OSBP2: variants seen among roughly 807,000 people sequenced by gnomAD.
OSBP2 encodes the protein oxysterol binding protein 2.
In OSBP2, 66 loss-of-function variants were observed where a neutral mutation model predicts 96.0. That is an observed-to-expected ratio of 0.69 (90% CI 0.56 to 0.84). The LOEUF is 0.84. Ranked by LOEUF, OSBP2 falls within the 40% of genes least tolerant of loss-of-function variation. The pLI is 0.00. For synonymous variants in OSBP2, 525 were observed against 520.9 expected (o/e 1.01, Z -0.11); for missense variants, 1,038 against 1,222.7 (o/e 0.85, Z 2.25).
chr22:30,893,638 T>G lies in OSBP2; in HGVS notation c.2095T>G (p.Ser699Ala). ...IIVGKLWIDQ[S>A]GDIEIVNHKT... The stretch of plus-strand genomic sequence containing the variant: ...GCTGACCACTGCCCTCCTTCGCCAG[T>G]CAGGGGACATCGAGATTGTGAACCA... The change falls in exon 11 of 14, where the codon TCA (serine) becomes GCA (alanine). Residue 699 changes from serine to alanine, a missense_variant and splice_region_variant. Around this residue, in one of 3 missense-constraint regions of OSBP2, gnomAD observed 737 missense variants for 913.3 expected, o/e 0.81. Coordinates refer to ENST00000332585, the MANE Select transcript of OSBP2 (RefSeq NM_030758.4). 2.5e-6 allele frequency: 4 copies of G among 1,614,036 alleles called. No homozygotes were observed. Among genetic ancestry groups the G allele is most frequent in the Non-Finnish European group, 3.4e-6 (4 of 1,179,888 alleles).
At chr22:30,812,172 A>AT (rs1602299945) in intron 2 of OSBP2, among the ~76,000 whole-genome samples, 1 of 151,120 alleles carries the variant, frequency 6.6e-6, no homozygotes, top group Non-Finnish European at 1.5e-5. Flanking sequence ...TTTATTTTTT[A>AT]TTTTTTTATT....
intron 2 of OSBP2, among the ~76,000 whole-genome samples, chr22:30,792,674 T>C (rs1449503490): frequency 6.6e-6 from 1 of 152,198 alleles, no homozygotes; most frequent in Admixed American, 6.5e-5. Context: ...GTTGGCAACA[T>C]GTTTTATAGA....
At chr22:30,731,865 C>G (rs947298319) in intron 1 of OSBP2, among the ~76,000 whole-genome samples, 1 of 152,158 alleles carries the variant, frequency 6.6e-6, no homozygotes, top group Non-Finnish European at 1.5e-5. Flanking sequence ...CTCATTGTTA[C>G]TCATCATTTC....
Position 30,747,122 on chromosome 22 carries a change from C to G in OSBP2, c.853+5753C>G, listed in dbSNP as rs554192195. Among the ~76,000 whole-genome samples, 13 of 152,246 alleles carry G rather than the reference C, an allele frequency of 8.5e-5. No homozygotes were observed. The East Asian group carries it at 9.6e-4, about 11-fold the overall frequency. On this transcript the variant is annotated intron_variant, in intron 2 of 13. Coordinates refer to ENST00000332585, the MANE Select transcript of OSBP2 (RefSeq NM_030758.4). The stretch of plus-strand genomic sequence containing the variant: ...AAACGATCTGACAAATATTCAACAC[C>G]CTTTCATGATGAACACACTCAGCAA...
At chr22:30,882,265 T>C (rs2039718867) in intron 3 of OSBP2, among the ~76,000 whole-genome samples, 1 of 152,062 alleles carries the variant, frequency 6.6e-6, no homozygotes, top group African/African-American at 2.4e-5. Context: ...CCCAGGAACC[T>C]AGCTCCACAC....
intron 2 of OSBP2, among the ~76,000 whole-genome samples, chr22:30,768,505 C>G (rs1172078126): frequency 2.0e-5 from 3 of 151,916 alleles, no homozygotes. Context: ...GGCGAAACCC[C>G]GTCTCTACTA....
chr22:30,887,444 G>T lies in OSBP2; in HGVS notation c.1126G>T (p.Glu376Ter). The change falls in exon 4 of 14, where the codon GAA becomes TAA. Residue 376 changes from glutamate to a stop codon, truncating the protein, a stop_gained. Coordinates refer to ENST00000332585, the MANE Select transcript of OSBP2 (RefSeq NM_030758.4). LOFTEE classifies it high-confidence loss of function. ...TCCCCAGGCCTGCAGGGACTTCTTG[G>T]AACTAGCAGAGATACACAGTCGGAA... is the stretch of plus-strand genomic sequence containing the variant. ...AMINACRDFL[E>*]LAEIHSRKWQ... 1 of 1,613,652 alleles carries T rather than the reference G, an allele frequency of 6.2e-7. No homozygotes were observed. Among genetic ancestry groups the T allele is most frequent in the Non-Finnish European group, 8.5e-7 (1 of 1,179,882 alleles).
At chr22:30,811,164 ACC>A (rs136249) in intron 2 of OSBP2, among the ~76,000 whole-genome samples, 16 of 136,982 alleles carry the variant, frequency 1.2e-4, no homozygotes, top group South Asian at 7.9e-4. Context: ...AGTATACACA[ACC>A]CCCCCCCCAC....
In OSBP2 at chr22:30,888,315, G is replaced by A. The variant is rs748338099; in HGVS notation, c.1393G>A (p.Val465Met). The stretch of plus-strand genomic sequence containing the variant: ...GGAAGACTCCACATCCTTCATCACC[G>A]TGATCACCGAGGCCAAGGAAGACAG... Reference protein sequence around the residue: ...AMEDSTSFITVITEAKEDSRK... With the variant: ...AMEDSTSFITMITEAKEDSRK... Residue 465 changes from valine (V) to methionine (M), a missense_variant, in exon 5 of 14, where the codon GTG becomes ATG. Val to Met is a conservative substitution (Grantham distance 21). Coordinates refer to ENST00000332585, the MANE Select transcript of OSBP2 (RefSeq NM_030758.4). 3.5e-5 allele frequency: 57 copies of A among 1,612,516 alleles called. No homozygotes were observed. Among genetic ancestry groups the A allele is most frequent in the Non-Finnish European group, 4.1e-5 (48 of 1,178,778 alleles).
intron 2 of OSBP2, among the ~76,000 whole-genome samples, chr22:30,818,373 TG>T (rs1302357054): frequency 1.3e-5 from 2 of 151,918 alleles, no homozygotes; most frequent in African/African-American, 4.8e-5. Context: ...GATGAAAGAG[TG>T]GATGAAATTC....
At chr22:30,889,432 A>G in intron 6 of OSBP2, 58 bp from the exon 7 acceptor site, 1 of 1,602,226 alleles carries the variant, frequency 6.2e-7, no homozygotes, top group South Asian at 1.1e-5. Context: ...GAAACTTGGA[A>G]GCCAAGGGGG....
intron 12 of OSBP2, 36 bp from the exon 13 acceptor site, chr22:30,905,801 C>T: frequency 6.2e-7 from 1 of 1,607,392 alleles, no homozygotes; most frequent in South Asian, 1.1e-5. Context: ...CCGGCTCACA[C>T]CGCAGCCACC....
In OSBP2 at chr22:30,695,008, C is replaced by A; in HGVS notation, c.99C>A (p.His33Gln). 6.3e-7 allele frequency: 1 copy of A among 1,577,290 alleles called. No individual in the cohort carries two copies. The change falls in exon 1 of 14, where the codon CAC (histidine) becomes CAA (glutamine). Residue 33 changes from histidine to glutamine, a missense_variant. Physicochemically the swap from His to Gln is conservative, Grantham distance 24. Around this residue, in one of 3 missense-constraint regions of OSBP2, gnomAD observed 281 missense variants for 273.4 expected, o/e 1.03. Coordinates refer to ENST00000332585, the MANE Select transcript of OSBP2 (RefSeq NM_030758.4). ...LFTVVPCLSC[H>Q]TAAPGMSAST... is the part of the protein sequence containing the mutation. ...CGGTTGTCCCCTGCCTGTCGTGCCA[C>A]ACGGCGGCGCCGGGCATGAGCGCTT...
At chr22:30,826,630 G>A (rs2038411082) in intron 2 of OSBP2, among the ~76,000 whole-genome samples, 1 of 152,190 alleles carries the variant, frequency 6.6e-6, no homozygotes, top group African/African-American at 2.4e-5. Flanking sequence ...AGAGATGGAG[G>A]CTGGGTTTTA....
chr22:30,893,438 C>A, intron 9 of OSBP2, 25 bp from the exon 10 acceptor site: 1 of 1,594,820 alleles, frequency 6.3e-7, no homozygotes, highest in Non-Finnish European at 8.6e-7. Context: ...GGGGGCATGA[C>A]CTCTGACCTG....
intron 1 of OSBP2, among the ~76,000 whole-genome samples, chr22:30,735,410 C>CTTTTTTTTTT (rs774749546): frequency 2.2e-4 from 22 of 100,600 alleles, no homozygotes; most frequent in Non-Finnish European, 2.7e-4. Context: ...TCTTCTCTCT[C>CTTTTTTTTTT]TTTTTTTTTT....
chr22:30,756,933 TC>T (rs1316432328), intron 2 of OSBP2, among the ~76,000 whole-genome samples: 2 of 151,980 alleles, frequency 1.3e-5, no homozygotes, highest in Non-Finnish European at 2.9e-5. Flanking sequence ...GCAGTGACCC[TC>T]CCAGCCATGC....
intron 2 of OSBP2, among the ~76,000 whole-genome samples, chr22:30,804,424 G>C (rs1027123748): frequency 2.0e-5 from 3 of 152,200 alleles, no homozygotes; most frequent in African/African-American, 7.2e-5. Context: ...CTGGTGGGCA[G>C]CTTCCTTGGA....
intron 2 of OSBP2, among the ~76,000 whole-genome samples, chr22:30,824,153 A>G (rs995292026): frequency 2.0e-5 from 3 of 152,164 alleles, no homozygotes; most frequent in Non-Finnish European, 4.4e-5. Flanking sequence ...TCTTGAGAGC[A>G]GTGACGGGGT....
Sources: allele counts gnomAD v4.1 joint callset (sites outside exome capture counted in the v4.1 genomes callset), GRCh38; gene constraint gnomAD v4.1.1; regional missense constraint gnomAD v4.1.1; transcripts MANE v1.5; gene names NCBI Gene and HGNC (gene_info 2026-07-23, HGNC 2026-07-21).